The following CPA6 variants were observed in gnomAD, a reference collection of about 807,000 sequenced individuals.
CPA6 encodes carboxypeptidase B.
Under a neutral mutation model 63.3 loss-of-function variants are expected in CPA6, and 58 were observed. The ratio of observed to expected loss-of-function variants is 0.92; its 90% CI spans 0.74 to 1.14. The LOEUF is 1.14. CPA6 is among the 50% of genes most tolerant of loss of function. CPA6 has a pLI of 0.00. For missense variants in CPA6, 565 were observed against 526.6 expected (o/e 1.07, Z -0.71); for synonymous variants, 185 against 179.0 (o/e 1.03, Z -0.27).
chr8:67,505,811 T>G (rs553171988), intron 6 of CPA6, among the ~76,000 whole-genome samples: 2 of 152,248 alleles, frequency 1.3e-5, no homozygotes, highest in Non-Finnish European at 2.9e-5. Context: ...CTAGGAGAGT[T>G]TTCAAAGTTA....
intron 2 of CPA6, among the ~76,000 whole-genome samples, chr8:67,603,806 T>C (rs1214695759): frequency 6.6e-6 from 1 of 152,222 alleles, no homozygotes; most frequent in African/African-American, 2.4e-5. Flanking sequence ...CAGATCAAAC[T>C]AAAACTGCAG....
rs527976024 is a variant in CPA6 at position 67,525,235 on chromosome 8, T to A, written c.193-7188A>T. ...CAGAAGTAATTTGCAATTTATCACT[T>A]TCCTAAAGCATAGTCCCAATAATTC... On this transcript the variant is annotated intron_variant, in intron 2 of 10. Coordinates refer to ENST00000297770, the MANE Select transcript of CPA6 (RefSeq NM_020361.5). 2.6e-5 allele frequency among the ~76,000 whole-genome samples: 4 copies of A among 152,332 alleles called. No individual in the cohort carries two copies. In the East Asian group the frequency reaches 7.7e-4, roughly 29 times the overall value.
chr8:67,622,142 C>G (rs1815097307), intron 2 of CPA6, among the ~76,000 whole-genome samples: 1 of 152,176 alleles, frequency 6.6e-6, no homozygotes, highest in Non-Finnish European at 1.5e-5. Context: ...TAGAAACATC[C>G]TTTGAGAAAT....
rs183842687 is a variant in CPA6, at chr8:67,634,295, C to T, written c.117-10044G>A. Among the ~76,000 whole-genome samples the T allele has an allele frequency of 9.1e-3, 1,364 of 150,110 alleles. 23 individuals are homozygous for T. Among genetic ancestry groups the T allele is most frequent in the South Asian group, 0.052 (247 of 4,794 alleles). On this transcript the variant is annotated intron_variant, in intron 1 of 10. Transcript: ENST00000297770. ...AGTGCAGTGGCACTATCTCGGCTCA[C>T]TACAAGCTCCGCCTCCCGCATTCTC...
chr8:67,641,253 C>T (rs1246145548), intron 1 of CPA6, among the ~76,000 whole-genome samples: 2 of 151,768 alleles, frequency 1.3e-5, no homozygotes, highest in African/African-American at 2.4e-5. Context: ...GTTTGAAAAA[C>T]AGGTTGGATT....
intron 1 of CPA6, 50 bp from the exon 2 acceptor site, chr8:67,624,301 A>G: frequency 9.8e-7 from 1 of 1,019,172 alleles, no homozygotes; most frequent in Non-Finnish European, 1.5e-6. Context: ...AAATAAAGAT[A>G]TTAGTCATCT....
intron 6 of CPA6, among the ~76,000 whole-genome samples, chr8:67,504,798 CA>C (rs796600018): frequency 6.6e-5 from 10 of 152,274 alleles, no homozygotes; most frequent in African/African-American, 2.2e-4. Context: ...GAGGAAATGG[CA>C]GCCATAATCC....
At chr8:67,614,031 T>C (rs1814877530) in intron 2 of CPA6, among the ~76,000 whole-genome samples, 2 of 152,084 alleles carry the variant, frequency 1.3e-5, no homozygotes, top group South Asian at 4.2e-4. Flanking sequence ...CTTGCATTCA[T>C]CCTTCAAGCC....
intron 2 of CPA6, among the ~76,000 whole-genome samples, chr8:67,567,454 C>G (rs1014669235): frequency 1.3e-5 from 2 of 152,164 alleles, no homozygotes; most frequent in African/African-American, 2.4e-5. Context: ...GTTTTGCCAT[C>G]AAAACATTGC....
chr8:67,666,713 G>A (rs560297267), intron 1 of CPA6, among the ~76,000 whole-genome samples: 1 of 152,196 alleles, frequency 6.6e-6, no homozygotes, highest in South Asian at 2.1e-4. Context: ...TGTGATATAG[G>A]CTCATGACAC....
chr8:67,629,328 A>AT (rs1347760362), intron 1 of CPA6, among the ~76,000 whole-genome samples: 1 of 151,528 alleles, frequency 6.6e-6, no homozygotes, highest in Non-Finnish European at 1.5e-5. Context: ...AAATAAATAA[A>AT]TAAATAGCTG....
At chr8:67,586,846 TAGGCTGATG>T (rs1413773505) in intron 2 of CPA6, among the ~76,000 whole-genome samples, 1 of 152,178 alleles carries the variant, frequency 6.6e-6, no homozygotes, top group East Asian at 1.9e-4. Context: ...TAAAAAATAG[TAGGCTGATG>T]AGGCTGATGA....
At chr8:67,604,827 G>C (rs1356392763) in intron 2 of CPA6, among the ~76,000 whole-genome samples, 1 of 152,104 alleles carries the variant, frequency 6.6e-6, no homozygotes, top group Non-Finnish European at 1.5e-5. Context: ...ACCCGGGCTG[G>C]AGTGCAATGG....
intron 1 of CPA6, among the ~76,000 whole-genome samples, chr8:67,706,482 T>A (rs909415248): frequency 1.3e-5 from 2 of 152,236 alleles, no homozygotes; most frequent in Non-Finnish European, 2.9e-5. Context: ...TGGTAAAAGA[T>A]TACAAGAAAT....
intron 1 of CPA6, among the ~76,000 whole-genome samples, chr8:67,651,758 A>C (rs111598738): frequency 0.034 from 5,144 of 152,120 alleles, 145 homozygotes; most frequent in African/African-American, 0.074. Flanking sequence ...GATTATTATT[A>C]TACTTTAAGT....
intron 8 of CPA6, among the ~76,000 whole-genome samples, chr8:67,439,037 A>G (rs1587425377): frequency 6.6e-6 from 1 of 152,322 alleles, no homozygotes; most frequent in Non-Finnish European, 1.5e-5. Context: ...GCTTACACCT[A>G]TAATCCCAGC....
chr8:67,565,515 G>A (rs1587570220), intron 2 of CPA6, among the ~76,000 whole-genome samples: 1 of 152,278 alleles, frequency 6.6e-6, no homozygotes, highest in East Asian at 1.9e-4. Context: ...TGCACTGTCT[G>A]AGGTGCATGA....
intron 1 of CPA6, among the ~76,000 whole-genome samples, chr8:67,736,678 C>T (rs1244825304): frequency 6.6e-6 from 1 of 152,122 alleles, no homozygotes; most frequent in Non-Finnish European, 1.5e-5. Context: ...CCATCCTATA[C>T]CAAAGGTTTC....
chr8:67,538,208 G>GTCCAGA (rs1812628985), intron 2 of CPA6, among the ~76,000 whole-genome samples: 1 of 152,182 alleles, frequency 6.6e-6, no homozygotes, highest in African/African-American at 2.4e-5. Flanking sequence ...GGTCTGCTTT[G>GTCCAGA]TCCAGAGTTG....
Sources: gnomAD v4.1 joint callset for allele counts (sites outside exome capture counted in the v4.1 genomes callset) on GRCh38, gnomAD v4.1.1 for gene constraint, MANE v1.5 for transcripts, NCBI Gene and HGNC (gene_info 2026-07-23, HGNC 2026-07-21) for gene names.